RHCE: variants seen among roughly 807,000 people sequenced by gnomAD.
RHCE encodes the protein Rh blood group CcEe antigens, also known as blood group Rh(CE) polypeptide.
RHCE carries 22 observed loss-of-function variants against 43.8 expected under a neutral mutation model. The ratio of observed to expected loss-of-function variants is 0.50; its 90% CI spans 0.36 to 0.72. The LOEUF (loss-of-function observed/expected upper bound fraction) is 0.72. RHCE is among the 30% of genes least tolerant of loss of function. The pLI is 0.00. For synonymous variants in RHCE, 156 were observed against 210.7 expected (o/e 0.74, Z 2.25); for missense variants, 385 against 525.4 (o/e 0.73, Z 2.61).
At chr1:25,418,113 A>C (rs193193407) in intron 1 of RHCE, among the ~76,000 whole-genome samples, 1 of 151,422 alleles carries the variant, frequency 6.6e-6, no homozygotes, top group Non-Finnish European at 1.5e-5. Flanking sequence ...AGCTACCTCT[A>C]CCTCCTGGGT....
chr1:25,417,322 G>T (rs1647619972), intron 1 of RHCE, among the ~76,000 whole-genome samples: 1 of 152,026 alleles, frequency 6.6e-6, no homozygotes, highest in Non-Finnish European at 1.5e-5. Flanking sequence ...CAATTAAGTG[G>T]ATTGACAGAT....
chr1:25,362,390 A>G lies in RHCE; in HGVS notation c.*137T>C, dbSNP rs2124274078. 1 of 1,593,036 alleles carries G rather than the reference A, an allele frequency of 6.3e-7. No homozygotes were observed. Among genetic ancestry groups the G allele is most frequent in the East Asian group, 2.2e-5 (1 of 44,666 alleles). ...TTTAGTCTTTAATTTTTTAATATCA[A>G]ATCTGTCTCTGACCTTGTTTCATTA... is the stretch of plus-strand genomic sequence containing the variant. On this transcript the variant is annotated 3_prime_UTR_variant, in exon 10 of 10. Coordinates refer to ENST00000294413, the MANE Select transcript of RHCE (RefSeq NM_020485.8).
At chr1:25,376,304 C>G (rs1645784825) in intron 7 of RHCE, among the ~76,000 whole-genome samples, 1 of 152,152 alleles carries the variant, frequency 6.6e-6, no homozygotes, top group South Asian at 2.1e-4. Context: ...ATGTGATTGT[C>G]CCAGGGTTCA....
At chr1:25,419,823 G>T (rs2904815) in intron 1 of RHCE, 2 of 126,198 alleles carry the variant, frequency 1.6e-5, no homozygotes, top group Non-Finnish European at 1.6e-5. Context: ...AGCTGGGGTC[G>T]GTGGGGGTGG....
At chr1:25,413,780 G>A (rs1046363252) in intron 1 of RHCE, among the ~76,000 whole-genome samples, 27 of 152,148 alleles carry the variant, frequency 1.8e-4, no homozygotes, top group African/African-American at 6.3e-4. Context: ...GGGAAAGGGA[G>A]GCACAGAGAG....
At chr1:25,427,649 C>A (rs909833) in intron 2 of RHCE, among the ~76,000 whole-genome samples, 3 of 152,088 alleles carry the variant, frequency 2.0e-5, no homozygotes, top group African/African-American at 7.2e-5. Flanking sequence ...GCTCTGGCCT[C>A]TCCTTGGGTC....
At chr1:25,400,219 C>T (rs1215535958) in intron 3 of RHCE, among the ~76,000 whole-genome samples, 1 of 152,242 alleles carries the variant, frequency 6.6e-6, no homozygotes, top group East Asian at 1.9e-4. Context: ...GCTGCCCCTG[C>T]ATGCTGTCTC....
intron 3 of RHCE, among the ~76,000 whole-genome samples, chr1:25,396,139 T>C: frequency 6.6e-6 from 1 of 151,616 alleles, no homozygotes; most frequent in Non-Finnish European, 1.5e-5. Flanking sequence ...AATCTAATCA[T>C]GAGGAACAGC....
At chr1:25,416,444 T>C (rs927306907) in intron 1 of RHCE, among the ~76,000 whole-genome samples, 1 of 152,016 alleles carries the variant, frequency 6.6e-6, no homozygotes, top group Non-Finnish European at 1.5e-5. Context: ...TTTGTATTTT[T>C]AGTAGAGATG....
At chr1:25,376,328 C>T (rs1645786051) in intron 7 of RHCE, among the ~76,000 whole-genome samples, 2 of 152,222 alleles carry the variant, frequency 1.3e-5, no homozygotes, top group Admixed American at 6.5e-5. Flanking sequence ...TGCACCTGGG[C>T]ACTGCCAGCC....
At position 25,390,728 on chromosome 1, in the gene RHCE, C is replaced by G. The variant is rs150918122; in HGVS notation, c.801+21G>C. On this transcript the variant is annotated intron_variant, in intron 5 of 9. Transcript: ENST00000294413. ...AGTCCTGTTAGACCCAAGTGCTGCC[C>G]AAGGGCAGCGCCCTGCTCACCATGC... is the stretch of plus-strand genomic sequence containing the variant. The G allele has an allele frequency of 6.5e-4, 1,045 of 1,614,134 alleles. 11 individuals carry two copies. In the African/African-American group the frequency reaches 0.012, roughly 18 times the overall value.
At chr1:25,423,631 G>C (rs1425217602), upstream of RHCE, among the ~76,000 whole-genome samples, 1 of 152,300 alleles carries the variant, frequency 6.6e-6, no homozygotes. Context: ...CAGAGTTTTT[G>C]CTCTTCCCCT....
At chr1:25,385,343 G>A (rs534783655) in intron 7 of RHCE, among the ~76,000 whole-genome samples, 13 of 152,322 alleles carry the variant, frequency 8.5e-5, no homozygotes, top group East Asian at 7.7e-4. Flanking sequence ...AGGTTAAGCC[G>A]CATGCCCAGC....
At chr1:25,388,150 CT>C (rs1646243045) in intron 6 of RHCE, among the ~76,000 whole-genome samples, 2 of 146,388 alleles carry the variant, frequency 1.4e-5, no homozygotes, top group African/African-American at 5.1e-5. Flanking sequence ...TGAATAGCCC[CT>C]GTTCATCCAA....
chr1:25,385,690 G>T, intron 7 of RHCE, 21 bp downstream of exon 7: 1 of 1,613,942 alleles, frequency 6.2e-7, no homozygotes. Flanking sequence ...AAGGGGATGG[G>T]GGGTAAGCCC....
At chr1:25,421,730 TA>T (rs1043514659), upstream of RHCE, among the ~76,000 whole-genome samples, 1 of 151,400 alleles carries the variant, frequency 6.6e-6, no homozygotes, top group Non-Finnish European at 1.5e-5. Flanking sequence ...TGGTACATGG[TA>T]AGTGTCAAGG....
intron 3 of RHCE, among the ~76,000 whole-genome samples, chr1:25,397,516 T>C (rs1477436095): frequency 1.3e-5 from 2 of 150,998 alleles, no homozygotes; most frequent in Admixed American, 1.3e-4. Flanking sequence ...AAAAAAAACT[T>C]CCCATATTCC....
chr1:25,395,575 C>T (rs1646511896), intron 3 of RHCE, among the ~76,000 whole-genome samples: 1 of 151,968 alleles, frequency 6.6e-6, no homozygotes. Context: ...CTTTATGGTT[C>T]TTACACTGAA....
chr1:25,414,931 G>T (rs1313068902), intron 1 of RHCE, among the ~76,000 whole-genome samples: 1 of 152,162 alleles, frequency 6.6e-6, no homozygotes, highest in African/African-American at 2.4e-5. Context: ...GCTATTTTAA[G>T]CCACTAAGTT....
Sources: allele counts gnomAD v4.1 joint callset (sites outside exome capture counted in the v4.1 genomes callset), GRCh38; gene constraint gnomAD v4.1.1; transcripts MANE v1.5; gene names NCBI Gene and HGNC (gene_info 2026-07-23, HGNC 2026-07-21).